Variants in ADARB2 observed in about 807,000 individuals in gnomAD.
The protein encoded by ADARB2 is adenosine deaminase RNA specific B2 (inactive), also known as inactive double-stranded RNA-specific editase B2.
Under a neutral mutation model 62.2 loss-of-function variants are expected in ADARB2, and 25 were observed. That is an observed-to-expected ratio of 0.40 (90% CI 0.29 to 0.56). The LOEUF is 0.56. ADARB2 is among the 20% of genes least tolerant of loss of function. ADARB2 has a pLI of 0.43. For missense variants in ADARB2, 1,071 were observed against 1,077.4 expected, an observed-to-expected ratio of 0.99 and a Z score of 0.08; for synonymous variants, 572 against 500.8, an observed-to-expected ratio of 1.14 and a Z score of -1.90.
At chr10:1,707,924 G>T (rs573352409) in intron 1 of ADARB2, among the ~76,000 whole-genome samples, 1 of 152,256 alleles carries the variant, frequency 6.6e-6, no homozygotes, top group African/African-American at 2.4e-5. Context: ...GCTCTAAAAA[G>T]AGTTTCTGGC....
chr10:1,453,117 T>G (rs917032295), intron 1 of ADARB2, among the ~76,000 whole-genome samples: 7 of 151,994 alleles, frequency 4.6e-5, no homozygotes, highest in African/African-American at 1.2e-4. Flanking sequence ...CTCTCTTCCC[T>G]CCCCCACGTC....
At chr10:1,503,993 A>C (rs916145688) in intron 1 of ADARB2, among the ~76,000 whole-genome samples, 3 of 152,224 alleles carry the variant, frequency 2.0e-5, no homozygotes, top group African/African-American at 7.2e-5. Context: ...ATTTCTTGAT[A>C]GCAATGCAAG....
At chr10:1,248,108 G>A (rs950118241) in intron 4 of ADARB2, among the ~76,000 whole-genome samples, 10 of 152,262 alleles carry the variant, frequency 6.6e-5, no homozygotes, top group African/African-American at 2.4e-4. Flanking sequence ...CAGGAAGACA[G>A]GATGGGGCAG....
At chr10:1,408,346 T>G (rs1228468359) in intron 1 of ADARB2, among the ~76,000 whole-genome samples, 1 of 152,226 alleles carries the variant, frequency 6.6e-6, no homozygotes, top group Admixed American at 6.5e-5. Flanking sequence ...TGTTTTTAGA[T>G]ATTGTGTAGA....
At chr10:1,216,793 T>G (rs1208286481) in intron 7 of ADARB2, 158 bp downstream of exon 7, 1 of 995,342 alleles carries the variant, frequency 1.0e-6, no homozygotes, top group African/African-American at 1.6e-5. Flanking sequence ...GGACTGAACA[T>G]GTGGAATGGC....
intron 3 of ADARB2, among the ~76,000 whole-genome samples, chr10:1,273,165 G>A (rs1289664501): frequency 3.3e-5 from 5 of 150,354 alleles, no homozygotes; most frequent in African/African-American, 4.9e-5. Context: ...CTCAGTCACC[G>A]TCATGGGGTT....
chr10:1,494,322 G>A (rs1831661809), intron 1 of ADARB2, among the ~76,000 whole-genome samples: 1 of 152,142 alleles, frequency 6.6e-6, no homozygotes. Flanking sequence ...ACTTTTGATT[G>A]AATAGTGTCC....
intron 1 of ADARB2, among the ~76,000 whole-genome samples, chr10:1,698,882 T>G (rs1834783435): frequency 6.6e-6 from 1 of 152,224 alleles, no homozygotes. Context: ...TGCCTCAGCC[T>G]CCTGAGTAGC....
chr10:1,270,312 C>T (rs1831248619), intron 4 of ADARB2, among the ~76,000 whole-genome samples: 1 of 152,192 alleles, frequency 6.6e-6, no homozygotes, highest in Non-Finnish European at 1.5e-5. Flanking sequence ...GTTACTATTT[C>T]ACAGTAATGA....
chr10:1,534,137 GTTTT>G (rs11431049), intron 1 of ADARB2, among the ~76,000 whole-genome samples: 1 of 137,046 alleles, frequency 7.3e-6, no homozygotes, highest in Non-Finnish European at 1.6e-5. Context: ...CATTGAAATA[GTTTT>G]TTTTTTTTTT....
intron 6 of ADARB2, among the ~76,000 whole-genome samples, chr10:1,229,212 A>C (rs538667484): frequency 6.6e-6 from 1 of 152,340 alleles, no homozygotes; most frequent in East Asian, 1.9e-4. Flanking sequence ...GGGGAAAAAT[A>C]AAATAGGGCC....
At chr10:1,250,115 C>G (rs1278623109) in intron 4 of ADARB2, among the ~76,000 whole-genome samples, 3 of 149,424 alleles carry the variant, frequency 2.0e-5, no homozygotes, top group Non-Finnish European at 4.5e-5. Context: ...GGAGGTTTAA[C>G]ATAATGAATC....
chr10:1,698,536 C>A (rs903283067), intron 1 of ADARB2, among the ~76,000 whole-genome samples: 1 of 152,190 alleles, frequency 6.6e-6, no homozygotes, highest in Non-Finnish European at 1.5e-5. Context: ...CATCCTCATC[C>A]ATAATTCCCA....
chr10:1,578,142 C>A (rs1383228591), intron 1 of ADARB2, among the ~76,000 whole-genome samples: 1 of 152,154 alleles, frequency 6.6e-6, no homozygotes, highest in Non-Finnish European at 1.5e-5. Context: ...ACCTCTTCAC[C>A]ACCCCATAGG....
Position 1,400,638 on chromosome 10 carries a change from A to G in ADARB2, c.101-21478T>C, listed in dbSNP as rs537331978. Among the ~76,000 whole-genome samples the G allele has an allele frequency of 3.3e-5, 5 of 152,306 alleles. No individual in the cohort carries two copies. In the East Asian group the frequency reaches 7.7e-4, roughly 24 times the overall value. On this transcript the variant is annotated intron_variant, in intron 1 of 9. Transcript: ENST00000381312. ...CAGTAAAGCACCCTGAGCTACTGCC[A>G]GCCCGTGCTCCTCCTCTGGGTGGGG...
chr10:1,311,775 C>G (rs956059148), intron 3 of ADARB2, among the ~76,000 whole-genome samples: 1 of 152,212 alleles, frequency 6.6e-6, no homozygotes, highest in Non-Finnish European at 1.5e-5. Context: ...CTCAAGCTGG[C>G]ACCCGAGCTA....
At chr10:1,252,667 T>G (rs989742477) in intron 4 of ADARB2, among the ~76,000 whole-genome samples, 2 of 152,222 alleles carry the variant, frequency 1.3e-5, no homozygotes, top group Non-Finnish European at 2.9e-5. Context: ...CAATTTTTTT[T>G]TTTTTAAATC....
At chr10:1,620,522 ATGGTGTCAC>A (rs59597193) in intron 1 of ADARB2, among the ~76,000 whole-genome samples, 15,746 of 152,184 alleles carry the variant, frequency 0.1, 2,235 homozygotes, top group African/African-American at 0.32. Flanking sequence ...CCAGGCCCAA[ATGGTGTCAC>A]TGGTGAATTT....
chr10:1,345,409 C>T (rs1009792135), intron 3 of ADARB2, among the ~76,000 whole-genome samples: 1 of 152,230 alleles, frequency 6.6e-6, no homozygotes, highest in African/African-American at 2.4e-5. Context: ...CTCAAGTCCA[C>T]ATCCTCCAGC....
Sources: gnomAD v4.1 joint callset for allele counts (sites outside exome capture counted in the v4.1 genomes callset) on GRCh38, gnomAD v4.1.1 for gene constraint, MANE v1.5 for transcripts, NCBI Gene and HGNC (gene_info 2026-07-23, HGNC 2026-07-21) for gene names.